Variants in AOPEP observed in about 807,000 individuals in gnomAD.
AOPEP encodes the protein aminopeptidase O (putative).
A neutral mutation model predicts 98.1 loss-of-function variants in AOPEP; 77 were observed. The ratio of observed to expected loss-of-function variants is 0.78; its 90% CI spans 0.65 to 0.95. AOPEP has a LOEUF of 0.95. AOPEP is among the 40% of genes least tolerant of loss of function. The pLI, the probability that AOPEP is intolerant of heterozygous loss-of-function variation, is 0.00. For synonymous variants in AOPEP, 346 were observed against 365.3 expected, an observed-to-expected ratio of 0.95 and a Z score of 0.60; for missense variants, 1,024 against 1,024.7, an observed-to-expected ratio of 1.00 and a Z score of 0.01.
chr9:94,777,116 A>G (rs1270686722), intron 3 of AOPEP, among the ~76,000 whole-genome samples: 1 of 152,102 alleles, frequency 6.6e-6, no homozygotes, highest in Non-Finnish European at 1.5e-5. Context: ...TGAATGATTG[A>G]CATTCATTTG....
At chr9:95,077,907 CGT>C (rs796746384) in intron 14 of AOPEP, among the ~76,000 whole-genome samples, 16 of 152,250 alleles carry the variant, frequency 1.1e-4, no homozygotes, top group African/African-American at 3.1e-4. Context: ...GAAGACTGCG[CGT>C]GAGCAGGAAC....
chr9:94,964,640 T>A (rs939903540), intron 9 of AOPEP, among the ~76,000 whole-genome samples: 3 of 125,614 alleles, frequency 2.4e-5, no homozygotes, highest in Admixed American at 1.6e-4. Flanking sequence ...TTGGACTTTT[T>A]TTTTTTTTTT....
the AOPEP span, chr9:95,149,844 G>A: frequency 9.5e-6 from 14 of 1,479,982 alleles, no homozygotes; most frequent in African/African-American, 5.6e-5. Context: ...CACTGCTGTC[G>A]TACAGTCTTT....
intron 16 of AOPEP, chr9:95,085,930 T>C (rs1026125259): frequency 1.6e-6 from 2 of 1,288,154 alleles, no homozygotes; most frequent in Non-Finnish European, 2.0e-6. Flanking sequence ...GTATTTGCAG[T>C]CCAGGCCTTC....
chr9:95,065,314 C>G (rs948782369), intron 14 of AOPEP: 2 of 152,284 alleles, frequency 1.3e-5, no homozygotes, highest in African/African-American at 4.8e-5. Flanking sequence ...GTCCTGTCAT[C>G]GTGGTGTGTG....
intron 4 of AOPEP, among the ~76,000 whole-genome samples, chr9:94,799,133 C>T (rs770652709): frequency 6.6e-6 from 1 of 152,166 alleles, no homozygotes; most frequent in African/African-American, 2.4e-5. Context: ...GTCTCCTGAG[C>T]GCTGGCCTTG....
the AOPEP span, among the ~76,000 whole-genome samples, chr9:95,145,901 G>A: frequency 3.3e-5 from 5 of 151,998 alleles, no homozygotes; most frequent in Middle Eastern, 3.4e-3. Flanking sequence ...AAAACAAAGA[G>A]GGATTGAAAG....
At chr9:95,093,916 T>C in the AOPEP span, among the ~76,000 whole-genome samples, 1 of 152,332 alleles carries the variant, frequency 6.6e-6, no homozygotes, top group South Asian at 2.1e-4. Flanking sequence ...TGTGTTTGCA[T>C]TTCCTCCTCT....
chr9:95,141,127 T>C, the AOPEP span, among the ~76,000 whole-genome samples: 2 of 151,686 alleles, frequency 1.3e-5, no homozygotes, highest in Non-Finnish European at 2.9e-5. Flanking sequence ...CTGGGCAATA[T>C]GGCAAAACCC....
intron 9 of AOPEP, among the ~76,000 whole-genome samples, chr9:94,960,101 T>G (rs1371906817): frequency 6.6e-6 from 1 of 152,240 alleles, no homozygotes. Flanking sequence ...AAACATCAGT[T>G]TATTCACTAC....
At chr9:94,917,201 C>T (rs749793691) in intron 5 of AOPEP, among the ~76,000 whole-genome samples, 1 of 151,398 alleles carries the variant, frequency 6.6e-6, no homozygotes, top group African/African-American at 2.4e-5. Context: ...GCCCTGGGGT[C>T]AGAAGGGATG....
At chr9:94,988,485 C>T (rs1010850832) in intron 11 of AOPEP, among the ~76,000 whole-genome samples, 8 of 152,106 alleles carry the variant, frequency 5.3e-5, no homozygotes, top group African/African-American at 1.9e-4. Context: ...CAGATGCAAA[C>T]AGACACATTG....
intron 1 of AOPEP, among the ~76,000 whole-genome samples, chr9:94,743,193 AGAAGAAGAG>A (rs201608054): frequency 9.8e-4 from 119 of 122,004 alleles, no homozygotes; most frequent in East Asian, 1.8e-3. Context: ...AAGAAGAAGA[AGAAGAAGAG>A]GAAGAAGAGG....
intron 11 of AOPEP, among the ~76,000 whole-genome samples, chr9:94,993,261 T>C (rs181033370): frequency 2.0e-5 from 3 of 152,168 alleles, no homozygotes; most frequent in African/African-American, 7.2e-5. Context: ...TTTTGAGACA[T>C]AGAGATAAAA....
chr9:95,005,409 G>T (rs2061926754), intron 12 of AOPEP, 133 bp from the exon 13 acceptor site: 2 of 975,888 alleles, frequency 2.0e-6, no homozygotes, highest in Non-Finnish European at 1.6e-6. Context: ...AGTTCCGCGG[G>T]CGGGCGCGGG....
At chr9:95,068,480 CTAGT>C (rs546259660) in intron 14 of AOPEP, among the ~76,000 whole-genome samples, 12 of 152,242 alleles carry the variant, frequency 7.9e-5, no homozygotes, top group Admixed American at 6.5e-4. Flanking sequence ...GGAGAAAGGG[CTAGT>C]TAAACCTTTT....
chr9:94,973,565 T>C (rs1281864139), intron 10 of AOPEP, among the ~76,000 whole-genome samples: 1 of 152,178 alleles, frequency 6.6e-6, no homozygotes, highest in Non-Finnish European at 1.5e-5. Context: ...CTGGAGACCA[T>C]TGACACTCAG....
intron 5 of AOPEP, among the ~76,000 whole-genome samples, chr9:94,919,305 C>T (rs905336369): frequency 6.6e-6 from 1 of 152,230 alleles, no homozygotes; most frequent in African/African-American, 2.4e-5. Flanking sequence ...CTTTAGGCTA[C>T]TGAAGGTCCC....
chr9:95,019,577 A>G (rs1047529877), intron 13 of AOPEP: 8 of 152,214 alleles, frequency 5.3e-5, no homozygotes, highest in African/African-American at 1.9e-4. Context: ...GGTTCCAGCT[A>G]CCTGTTACCC....
Sources: allele counts gnomAD v4.1 joint callset (sites outside exome capture counted in the v4.1 genomes callset), GRCh38; gene constraint gnomAD v4.1.1; transcripts MANE v1.5; gene names NCBI Gene and HGNC (gene_info 2026-07-23, HGNC 2026-07-21).